The following ST8SIA4 variants were observed in gnomAD, a reference collection of about 807,000 sequenced individuals.
ST8SIA4 encodes the protein ST8 alpha-N-acetyl-neuraminide alpha-2,8-sialyltransferase 4, also known as CMP-N-acetylneuraminate-poly-alpha-2,8-sialyltransferase.
ST8SIA4 carries 15 observed loss-of-function variants against 33.9 expected under a neutral mutation model. That is an observed-to-expected ratio of 0.44 (90% confidence interval 0.30 to 0.68). The LOEUF is 0.68. Among genes scored for constraint, ST8SIA4 ranks in the 30% least tolerant of loss-of-function variants. The pLI, the probability that ST8SIA4 is intolerant of heterozygous loss-of-function variation, is 0.10. For synonymous variants in ST8SIA4, 171 were observed against 151.2 expected (o/e 1.13, Z -0.96); for missense variants, 321 against 428.0 (o/e 0.75, Z 2.21).
At chr5:100,855,850 A>T (rs974647534) in intron 4 of ST8SIA4, among the ~76,000 whole-genome samples, 2 of 152,238 alleles carry the variant, frequency 1.3e-5, no homozygotes, top group African/African-American at 4.8e-5. Context: ...AAATATAAAA[A>T]TTAGTAGTTT....
chr5:100,852,144 G>A (rs1267836220), intron 4 of ST8SIA4, among the ~76,000 whole-genome samples: 9 of 104,442 alleles, frequency 8.6e-5, no homozygotes, highest in Admixed American at 3.9e-4. Context: ...TTTTTGAGAC[G>A]GAGTATCACT....
intron 4 of ST8SIA4, chr5:100,849,103 A>G: frequency 4.2e-6 from 4 of 945,382 alleles, no homozygotes; most frequent in Non-Finnish European, 5.0e-6. Flanking sequence ...CCAAAAATTT[A>G]ATGAACCTGT....
intron 1 of ST8SIA4, among the ~76,000 whole-genome samples, chr5:100,899,259 G>C (rs1473645202): frequency 6.6e-6 from 1 of 152,084 alleles, no homozygotes; most frequent in African/African-American, 2.4e-5. Flanking sequence ...ACACACAGCA[G>C]GCCATTTTGT....
intron 2 of ST8SIA4, among the ~76,000 whole-genome samples, chr5:100,888,914 AT>A (rs1426136120): frequency 6.6e-6 from 1 of 151,928 alleles, no homozygotes; most frequent in African/African-American, 2.4e-5. Context: ...TTTTCCCCAA[AT>A]ATTCTGAATA....
intron 3 of ST8SIA4, among the ~76,000 whole-genome samples, chr5:100,860,695 C>T (rs1751917258): frequency 1.3e-5 from 2 of 152,190 alleles, no homozygotes; most frequent in Non-Finnish European, 2.9e-5. Context: ...AAATGAAAAG[C>T]ACCATCTAGT....
At chr5:100,895,556 AC>A (rs1368845430) in intron 2 of ST8SIA4, 97 bp downstream of exon 2, 1 of 1,200,972 alleles carries the variant, frequency 8.3e-7, no homozygotes, top group Non-Finnish European at 1.2e-6. Context: ...AAGTATTCAT[AC>A]TTAAACCATA....
intron 3 of ST8SIA4, among the ~76,000 whole-genome samples, chr5:100,857,477 G>C (rs1272158199): frequency 6.6e-6 from 1 of 151,742 alleles, no homozygotes; most frequent in African/African-American, 2.4e-5. Context: ...AGAGTTTACT[G>C]TATTGGGAAA....
At chr5:100,848,853 G>T (rs1190760455) in intron 4 of ST8SIA4, among the ~76,000 whole-genome samples, 1 of 150,040 alleles carries the variant, frequency 6.7e-6, no homozygotes, top group African/African-American at 2.4e-5. Context: ...ATTTACCTAG[G>T]TATATATACA....
At chr5:100,829,141 T>C (rs980357954) in intron 4 of ST8SIA4, among the ~76,000 whole-genome samples, 11 of 152,220 alleles carry the variant, frequency 7.2e-5, no homozygotes, top group Non-Finnish European at 1.3e-4. Context: ...CTCACCTCAC[T>C]GCCATGCTCT....
chr5:100,860,956 A>G (rs1211813636), intron 3 of ST8SIA4, among the ~76,000 whole-genome samples: 1 of 152,198 alleles, frequency 6.6e-6, no homozygotes, highest in African/African-American at 2.4e-5. Context: ...CATCTAAAAC[A>G]TAAATATAAT....
chr5:100,887,704 T>C (rs2112474382), intron 2 of ST8SIA4, among the ~76,000 whole-genome samples: 1 of 152,142 alleles, frequency 6.6e-6, no homozygotes, highest in East Asian at 1.9e-4. Context: ...CTTCAATAAT[T>C]TGGAAGTTGT....
Position 100,903,027 on chromosome 5 carries a change from G to T in ST8SIA4, c.-72C>A. On this transcript the variant is annotated 5_prime_UTR_variant, in exon 1 of 5. Transcript: ENST00000231461. ...TCTTGATATAAAGGCTCCGTTTTGGGGAGATAGTCGCGGGGGTGAAATCTG... is the reference window on the plus strand; with the variant it reads ...TCTTGATATAAAGGCTCCGTTTTGGTGAGATAGTCGCGGGGGTGAAATCTG... The T allele has an allele frequency of 9.1e-7, 1 of 1,095,534 alleles. No homozygotes were observed. Among genetic ancestry groups the T allele is most frequent in the Non-Finnish European group, 1.4e-6 (1 of 718,924 alleles). The allele number at this position is 1,095,534 out of a possible 1,614,324, so 67.9% of individuals were successfully genotyped here.
At chr5:100,818,518 G>A (rs1441154407) in intron 4 of ST8SIA4, among the ~76,000 whole-genome samples, 1 of 152,114 alleles carries the variant, frequency 6.6e-6, no homozygotes, top group Non-Finnish European at 1.5e-5. Flanking sequence ...CAATGACATT[G>A]TACCAAAGGG....
intron 4 of ST8SIA4, among the ~76,000 whole-genome samples, chr5:100,845,538 C>G (rs886635702): frequency 1.3e-5 from 2 of 151,784 alleles, no homozygotes; most frequent in Non-Finnish European, 2.9e-5. Flanking sequence ...CCTGAAAAGT[C>G]AAATAAACAA....
intron 4 of ST8SIA4, among the ~76,000 whole-genome samples, chr5:100,838,341 G>A (rs1223363240): frequency 6.6e-6 from 1 of 151,952 alleles, no homozygotes; most frequent in Non-Finnish European, 1.5e-5. Context: ...AAGCAGGTCA[G>A]TAGGCCAAGT....
chr5:100,864,418 C>A (rs1021421603), intron 3 of ST8SIA4, among the ~76,000 whole-genome samples: 9 of 151,436 alleles, frequency 5.9e-5, no homozygotes, highest in African/African-American at 2.2e-4. Flanking sequence ...ACTAAAAACA[C>A]AAAAAAATTA....
intron 1 of ST8SIA4, among the ~76,000 whole-genome samples, chr5:100,899,121 CG>C (rs1484323324): frequency 6.6e-6 from 1 of 152,118 alleles, no homozygotes; most frequent in Admixed American, 6.6e-5. Flanking sequence ...TCAAAAGCCC[CG>C]TATTCCACCC....
intron 3 of ST8SIA4, among the ~76,000 whole-genome samples, chr5:100,863,871 C>T (rs935547950): frequency 2.6e-5 from 4 of 152,176 alleles, no homozygotes; most frequent in Non-Finnish European, 4.4e-5. Context: ...GTGGTAAGGA[C>T]GGCTCTGTCT....
intron 1 of ST8SIA4, among the ~76,000 whole-genome samples, chr5:100,899,879 AAACTTT>A (rs1215124936): frequency 6.6e-6 from 1 of 152,246 alleles, no homozygotes; most frequent in Non-Finnish European, 1.5e-5. Flanking sequence ...TCTTCAACTT[AAACTTT>A]ATTAACTAAT....
Sources: allele counts gnomAD v4.1 joint callset (sites outside exome capture counted in the v4.1 genomes callset), GRCh38; gene constraint gnomAD v4.1.1; transcripts MANE v1.5; gene names NCBI Gene and HGNC (gene_info 2026-07-23, HGNC 2026-07-21).